Variants in ATG13 observed in about 807,000 individuals in gnomAD.
ATG13 encodes the protein autophagy-related protein 13.
A neutral mutation model predicts 65.5 loss-of-function variants in ATG13; 23 were observed. The ratio of observed to expected loss-of-function variants is 0.35; its 90% CI spans 0.25 to 0.50. ATG13 has a LOEUF of 0.50. ATG13 is among the 20% of genes least tolerant of loss of function. The probability of loss-of-function intolerance (pLI) is 0.98; values close to 1 mark genes in which losing one functional copy is unlikely to be tolerated. For synonymous variants in ATG13, 252 were observed against 245.2 expected (o/e 1.03, Z -0.26); for missense variants, 566 against 677.0 (o/e 0.84, Z 1.82).
At chr11:46,667,951 A>G in intron 15 of ATG13, 64 bp downstream of exon 15, 8 of 1,319,792 alleles carry the variant, frequency 6.1e-6, no homozygotes, top group Non-Finnish European at 6.5e-6. Context: ...CCCCACAGGC[A>G]GTTTTCTTAA....
In ATG13 at chr11:46,645,940, C is replaced by G. The variant is rs1415720355; in HGVS notation, c.221C>G (p.Pro74Arg). 1 of 1,614,214 alleles carries G rather than the reference C, an allele frequency of 6.2e-7. No individual in the cohort carries two copies. Among genetic ancestry groups the G allele is most frequent in the South Asian group, 1.1e-5 (1 of 91,080 alleles). Residue 74 changes from proline (P) to arginine (R), a missense_variant, in exon 5 of 19, where the codon CCT (proline) becomes CGT (arginine). Pro to Arg is a moderately radical substitution (Grantham distance 103, BLOSUM62 -2). Around this residue, in one of 2 missense-constraint regions of ATG13, gnomAD observed 179 missense variants for 267.2 expected, o/e 0.67. Transcript: ENST00000683050. ...EAKKALAGQL[P>R]AVGRSMCVEI... ...AAGAAGGCACTGGCAGGACAGCTGCCTGCAGTCGGGAGGTCCATGTGTGTG... is the reference window on the plus strand; with the variant it reads ...AAGAAGGCACTGGCAGGACAGCTGCGTGCAGTCGGGAGGTCCATGTGTGTG...
At chr11:46,644,173 C>T in intron 2 of ATG13, 106 bp from the exon 3 acceptor site, 4 of 815,540 alleles carry the variant, frequency 4.9e-6, no homozygotes, top group East Asian at 3.0e-5. Context: ...CTCCCACTCC[C>T]ACATGATTAT....
chr11:46,670,242 G>A (rs183212440), intron 18 of ATG13, among the ~76,000 whole-genome samples: 63 of 152,216 alleles, frequency 4.1e-4, no homozygotes, highest in African/African-American at 1.5e-3. Context: ...CAGCACTTTG[G>A]GAGGCCAAGG....
At chr11:46,635,931 G>A (rs965131153) in intron 2 of ATG13, among the ~76,000 whole-genome samples, 7 of 152,106 alleles carry the variant, frequency 4.6e-5, no homozygotes, top group Non-Finnish European at 8.8e-5. Flanking sequence ...ATCCTGCAGC[G>A]CATTTCTTTC....
At chr11:46,647,545 T>C (rs1337506510) in intron 5 of ATG13, among the ~76,000 whole-genome samples, 1 of 152,052 alleles carries the variant, frequency 6.6e-6, no homozygotes, top group East Asian at 1.9e-4. Context: ...CCCAAAGTGC[T>C]AAGATTACAG....
chr11:46,666,736 C>T (rs2062449215), intron 14 of ATG13, among the ~76,000 whole-genome samples: 1 of 152,198 alleles, frequency 6.6e-6, no homozygotes, highest in Non-Finnish European at 1.5e-5. Context: ...TGCTTTCACT[C>T]TCCCTGGGGA....
chr11:46,665,774 T>C (rs2062171091), intron 14 of ATG13, among the ~76,000 whole-genome samples: 1 of 149,626 alleles, frequency 6.7e-6, no homozygotes, highest in South Asian at 2.1e-4. Context: ...TGAGACTCTG[T>C]CTCTCAAAAA....
chr11:46,673,093 G>C lies in ATG13; in HGVS notation c.*761G>C, dbSNP rs984529726. ...AAAGTTCTCTTCCTCTTGTCCCCCC[G>C]TTGCTGCTCCTTGGTTATAGAACAT... On this transcript the variant is annotated 3_prime_UTR_variant, in exon 19 of 19. Coordinates refer to ENST00000683050, the MANE Select transcript of ATG13 (RefSeq NM_001346311.2). The C allele has an allele frequency of 1.1e-5, 2 of 179,768 alleles. No homozygotes were observed. 11.1% of individuals were successfully genotyped at this position (179,768 alleles called of 1,614,324 possible).
At chr11:46,666,147 C>G (rs2062312652) in intron 14 of ATG13, among the ~76,000 whole-genome samples, 1 of 151,900 alleles carries the variant, frequency 6.6e-6, no homozygotes, top group Non-Finnish European at 1.5e-5. Flanking sequence ...AAAGTGTAGA[C>G]TCCTTGAAGT....
At chr11:46,620,504 G>A (rs949890888) in intron 1 of ATG13, among the ~76,000 whole-genome samples, 3 of 151,860 alleles carry the variant, frequency 2.0e-5, no homozygotes, top group East Asian at 1.9e-4. Context: ...GGCTGGGCGC[G>A]GTTGCTCACA....
chr11:46,639,018 C>T (rs1429656325), intron 2 of ATG13, among the ~76,000 whole-genome samples: 3 of 151,742 alleles, frequency 2.0e-5, no homozygotes, highest in South Asian at 2.1e-4. Context: ...GAAGGAGTCT[C>T]GCTCTGTTGC....
chr11:46,634,255 C>G (rs1278056694), intron 2 of ATG13, among the ~76,000 whole-genome samples: 1 of 151,932 alleles, frequency 6.6e-6, no homozygotes, highest in Non-Finnish European at 1.5e-5. Flanking sequence ...ACCGCCACAC[C>G]CAGCTAACGT....
At chr11:46,661,008 C>G (rs1769833420) in intron 11 of ATG13, among the ~76,000 whole-genome samples, 2 of 151,902 alleles carry the variant, frequency 1.3e-5, no homozygotes, top group African/African-American at 4.8e-5. Context: ...CCACACCCAG[C>G]CCTTCTGTGT....
chr11:46,668,355 T>C (rs909698341), intron 15 of ATG13, 144 bp from the exon 16 acceptor site: 2 of 767,514 alleles, frequency 2.6e-6, no homozygotes, highest in Admixed American at 2.5e-5. Flanking sequence ...TTGGAGAGCC[T>C]CTAACAAGGC....
At chr11:46,659,556 A>C in intron 11 of ATG13, 71 bp downstream of exon 11, 1 of 1,277,714 alleles carries the variant, frequency 7.8e-7, no homozygotes, top group Non-Finnish European at 1.1e-6. Context: ...AATGGTGTCC[A>C]AATTTAGCTA....
intron 2 of ATG13, among the ~76,000 whole-genome samples, chr11:46,633,003 AATAT>A (rs1184181156): frequency 1.1e-5 from 1 of 89,146 alleles, no homozygotes; most frequent in South Asian, 4.3e-4. Context: ...ATTAAAAAAA[AATAT>A]ATATATATAT....
chr11:46,625,269 CTTTTTTTTTTTT>C (rs59095357), intron 1 of ATG13: 83 of 84,360 alleles, frequency 9.8e-4, no homozygotes, highest in African/African-American at 3.9e-3. Flanking sequence ...CTTGCTCTTT[CTTTTTTTTTTTT>C]TTTTTTTTTT....
At chr11:46,665,545 C>T (rs754874017) in intron 14 of ATG13, 26 bp downstream of exon 14, 1 of 1,611,688 alleles carries the variant, frequency 6.2e-7, no homozygotes, top group Admixed American at 1.7e-5. Flanking sequence ...GGCTCTGTCT[C>T]TGGTAAGGCT....
chr11:46,650,136 G>A (rs192375992), intron 6 of ATG13, 41 bp from the exon 7 acceptor site: 194 of 1,603,546 alleles, frequency 1.2e-4, no homozygotes, highest in East Asian at 1.1e-3. Flanking sequence ...TAGCTCCAGC[G>A]CTAAATAGAA....
Sources: gnomAD v4.1 joint callset for allele counts (sites outside exome capture counted in the v4.1 genomes callset) on GRCh38, gnomAD v4.1.1 for gene constraint, gnomAD v4.1.1 regional missense constraint, MANE v1.5 for transcripts, NCBI Gene and HGNC (gene_info 2026-07-23, HGNC 2026-07-21) for gene names.